Variants in KAZN observed in about 807,000 individuals in gnomAD.
The protein encoded by KAZN is kazrin.
In KAZN, 40 loss-of-function variants were observed where a neutral mutation model predicts 87.4. That is an observed-to-expected ratio of 0.46 (90% CI 0.36 to 0.60). The LOEUF is 0.60. Ranked by LOEUF, KAZN falls within the 20% of genes least tolerant of loss-of-function variation. The pLI, the probability that KAZN is intolerant of heterozygous loss-of-function variation, is 0.00. For synonymous variants in KAZN, 466 were observed against 458.3 expected (o/e 1.02, Z -0.22); for missense variants, 898 against 1,073.9 (o/e 0.84, Z 2.29).
At chr1:14,242,554 TCC>T (rs1649071870) in intron 2 of KAZN, among the ~76,000 whole-genome samples, 1 of 152,104 alleles carries the variant, frequency 6.6e-6, no homozygotes, top group Non-Finnish European at 1.5e-5. Context: ...ACAGACAAAG[TCC>T]CTGGCCTTAT....
chr1:14,161,668 G>T, intron 1 of KAZN, among the ~76,000 whole-genome samples: 1 of 152,088 alleles, frequency 6.6e-6, no homozygotes, highest in African/African-American at 2.4e-5. Context: ...ACTATCCAAG[G>T]GTGTGAATAC....
Position 14,095,314 on chromosome 1 carries a change from T to G in KAZN, c.92-85121T>G, listed in dbSNP as rs183885485. Among the ~76,000 whole-genome samples the G allele has an allele frequency of 1.4e-3, 212 of 152,274 alleles. 1 individual carries two copies. The Middle Eastern group carries it at 0.02, about 15-fold the overall frequency. ...CACCTGTTCTAGTTATTTAAATAGG[T>G]TTTCTTCTTACTTTATTCTTTCTTT... On this transcript the variant is annotated intron_variant, in intron 1 of 16. Transcript: ENST00000636203.
At chr1:14,684,359 C>G (rs1412163022) in intron 1 of KAZN, among the ~76,000 whole-genome samples, 3 of 152,174 alleles carry the variant, frequency 2.0e-5, no homozygotes, top group Admixed American at 6.5e-5. Flanking sequence ...CAGGAGCAAG[C>G]TATTTCACCC....
At chr1:14,700,344 C>T (rs7517365) in intron 1 of KAZN, among the ~76,000 whole-genome samples, 4,900 of 152,002 alleles carry the variant, frequency 0.032, 118 homozygotes, top group Middle Eastern at 0.078. Context: ...TGGTGGTGTG[C>T]GCCTGTAATC....
intron 1 of KAZN, among the ~76,000 whole-genome samples, chr1:14,104,387 T>C (rs1644325065): frequency 6.6e-6 from 1 of 152,204 alleles, no homozygotes; most frequent in Admixed American, 6.5e-5. Flanking sequence ...TAAGGAGCAT[T>C]TGTCACACAA....
At chr1:14,296,461 C>T (rs909897969) in intron 2 of KAZN, among the ~76,000 whole-genome samples, 1 of 152,036 alleles carries the variant, frequency 6.6e-6, no homozygotes, top group Non-Finnish European at 1.5e-5. Context: ...CTGTTACTGC[C>T]CACACTGTGA....
chr1:14,865,997 C>T (rs1478379631), intron 1 of KAZN, among the ~76,000 whole-genome samples: 1 of 152,156 alleles, frequency 6.6e-6, no homozygotes, highest in Non-Finnish European at 1.5e-5. Flanking sequence ...CGATCCCAGC[C>T]ATCTAGCCCC....
At chr1:14,309,507 G>A (rs1036632522) in intron 2 of KAZN, among the ~76,000 whole-genome samples, 5 of 152,172 alleles carry the variant, frequency 3.3e-5, no homozygotes, top group African/African-American at 1.2e-4. Context: ...GCCACAGGGA[G>A]GAATTTGGAT....
intron 1 of KAZN, among the ~76,000 whole-genome samples, chr1:14,160,687 C>T (rs1244124746): frequency 6.6e-6 from 1 of 152,116 alleles, no homozygotes; most frequent in Non-Finnish European, 1.5e-5. Flanking sequence ...TGTTCTGCCC[C>T]CTGCCTTGCA....
intron 1 of KAZN, among the ~76,000 whole-genome samples, chr1:13,975,158 G>A (rs973251313): frequency 6.6e-6 from 1 of 152,172 alleles, no homozygotes; most frequent in Non-Finnish European, 1.5e-5. Context: ...ATCATAGAGT[G>A]TGTCAGGGTG....
intron 1 of KAZN, among the ~76,000 whole-genome samples, chr1:14,697,927 C>A (rs979920477): frequency 1.3e-5 from 2 of 152,176 alleles, no homozygotes; most frequent in African/African-American, 2.4e-5. Context: ...GAGGCTGCTT[C>A]CCAGAGCATA....
chr1:14,110,223 G>A (rs1272263884), intron 1 of KAZN, among the ~76,000 whole-genome samples: 2 of 152,184 alleles, frequency 1.3e-5, no homozygotes, highest in Admixed American at 1.3e-4. Context: ...TTTCCTTCAC[G>A]TGCAAATTTC....
chr1:14,847,394 C>T (rs2100962604), intron 1 of KAZN, among the ~76,000 whole-genome samples: 1 of 152,302 alleles, frequency 6.6e-6, no homozygotes, highest in East Asian at 1.9e-4. Context: ...CCCAGAGTCT[C>T]AAAGCAGCCA....
At position 14,996,569 on chromosome 1, in the gene KAZN, G is replaced by A. The variant is rs1667883599; in HGVS notation, c.418+35694G>A. ...GGTCCCCTGACCACACCTGCCTGCAGTGGGGAGAAGGCTTATGGCAACGCG... is the reference window on the plus strand; with the variant it reads ...GGTCCCCTGACCACACCTGCCTGCAATGGGGAGAAGGCTTATGGCAACGCG... On this transcript the variant is annotated intron_variant, in intron 2 of 14. Coordinates refer to ENST00000376030, the MANE Select transcript of KAZN (RefSeq NM_201628.3). This position sits in a 1 kb window ranked among gnomAD's most constrained non-coding sequence, Gnocchi z 5.9. Among the ~76,000 whole-genome samples, 1 of 152,226 alleles carries A rather than the reference G, an allele frequency of 6.6e-6. No homozygotes were observed. Among genetic ancestry groups the A allele is most frequent in the Non-Finnish European group, 1.5e-5 (1 of 68,032 alleles).
intron 1 of KAZN, among the ~76,000 whole-genome samples, chr1:14,610,425 G>A (rs1677724761): frequency 6.6e-6 from 1 of 151,782 alleles, no homozygotes; most frequent in Admixed American, 6.6e-5. Flanking sequence ...GGGTTTCACT[G>A]TGTTAGCCAG....
chr1:14,358,925 G>C (rs555080591), intron 2 of KAZN, among the ~76,000 whole-genome samples: 1 of 152,336 alleles, frequency 6.6e-6, no homozygotes, highest in East Asian at 1.9e-4. Flanking sequence ...GGAGAGTTCT[G>C]TAGATGTGTA....
intron 2 of KAZN, among the ~76,000 whole-genome samples, chr1:14,466,704 C>CA (rs1668156690): frequency 1.3e-5 from 2 of 151,178 alleles, no homozygotes; most frequent in Non-Finnish European, 2.9e-5. Context: ...CGCGGTGGCT[C>CA]ACGCCTGTAA....
At chr1:14,430,356 A>T (rs1290579301) in intron 2 of KAZN, among the ~76,000 whole-genome samples, 2 of 152,158 alleles carry the variant, frequency 1.3e-5, no homozygotes, top group East Asian at 3.8e-4. Flanking sequence ...CAGATTCACG[A>T]ATGTACCCCC....
rs987142864 is a variant in KAZN at position 15,101,072 on chromosome 1, C to G, written c.1548-471C>G. On this transcript the variant is annotated intron_variant, in intron 10 of 14. Transcript: ENST00000376030. ...TCTGCTCCCCGCCCCTGCGCCTTCT[C>G]ACCCTCGCTGCGTCTGAGTGTGGGA... is the stretch of plus-strand genomic sequence containing the variant. 5.9e-5 allele frequency among the ~76,000 whole-genome samples: 9 copies of G among 152,194 alleles called. 1 individual carries two copies. The highest frequency in any genetic ancestry group is 3.3e-4 in the Admixed American group (5 of 15,282).
Sources: gnomAD v4.1 joint callset for allele counts (sites outside exome capture counted in the v4.1 genomes callset) on GRCh38, gnomAD v4.1.1 for gene constraint, Gnocchi (gnomAD v3.1) non-coding constraint, MANE v1.5 for transcripts, NCBI Gene and HGNC (gene_info 2026-07-23, HGNC 2026-07-21) for gene names.